MBD2: variants seen among roughly 807,000 people sequenced by gnomAD.
MBD2 encodes the protein methyl-CpG-binding domain protein 2.
MBD2 carries 9 observed loss-of-function variants against 39.3 expected under a neutral mutation model. The observed-to-expected ratio is 0.23, with a 90% confidence interval of 0.14 to 0.40. The LOEUF is 0.40. Ranked by LOEUF, MBD2 falls within the 10% of genes least tolerant of loss-of-function variation. The probability of loss-of-function intolerance (pLI) is 1.00; values close to 1 mark genes in which losing one functional copy is unlikely to be tolerated. For missense variants in MBD2, 458 were observed against 532.6 expected, an observed-to-expected ratio of 0.86 and a Z score of 1.38; for synonymous variants, 233 against 211.1, an observed-to-expected ratio of 1.10 and a Z score of -0.90.
chr18:54,187,923 C>T, intron 3 of MBD2: 1 of 925,178 alleles, frequency 1.1e-6, no homozygotes, highest in Non-Finnish European at 1.3e-6. Context: ...AAAGTTTTGG[C>T]CCAATCCTTT....
intron 2 of MBD2, among the ~76,000 whole-genome samples, chr18:54,204,229 C>G (rs750028256): frequency 3.3e-5 from 5 of 152,308 alleles, no homozygotes; most frequent in Non-Finnish European, 5.9e-5. Flanking sequence ...CCCATACACA[C>G]AGATCCTTGA....
intron 2 of MBD2, among the ~76,000 whole-genome samples, chr18:54,199,626 CCCT>C (rs2144323676): frequency 6.6e-6 from 1 of 152,212 alleles, no homozygotes; most frequent in African/African-American, 2.4e-5. Context: ...GCCCTTATTC[CCCT>C]ATTCCCTGAC....
intron 1 of MBD2, among the ~76,000 whole-genome samples, chr18:54,219,953 A>T (rs961208477): frequency 1.3e-5 from 2 of 152,208 alleles, no homozygotes; most frequent in African/African-American, 2.4e-5. Context: ...GGCATCTGCC[A>T]CCATGCCTGG....
chr18:54,204,014 A>G (rs1288038203), intron 2 of MBD2, among the ~76,000 whole-genome samples: 2 of 152,222 alleles, frequency 1.3e-5, no homozygotes, highest in East Asian at 1.9e-4. Flanking sequence ...GCATCAGCTA[A>G]TAAGTAGCAG....
chr18:54,165,694 G>C (rs2086126097), intron 4 of MBD2, among the ~76,000 whole-genome samples: 1 of 152,180 alleles, frequency 6.6e-6, no homozygotes, highest in African/African-American at 2.4e-5. Flanking sequence ...TTTGGGAAGA[G>C]GATGAGAGAA....
chr18:54,159,846 T>G lies in MBD2; in HGVS notation c.1167A>C (p.Ala389=). The change falls in exon 6 of 7, where the codon GCA becomes GCC. Residue 389 remains alanine (A), a synonymous_variant. Transcript: ENST00000256429. ...VRKKLEEALM[A]DILSRAADTE... ...TATCAGCAGCTCGCGACAAGATGTC[T>G]GCCATCAGTGCTTCTTCCAATTTCT... 6.2e-7 allele frequency: 1 copy of G among 1,612,976 alleles called. No individual in the cohort carries two copies. The highest frequency in any genetic ancestry group is 8.5e-7 in the Non-Finnish European group (1 of 1,179,998).
chr18:54,157,423 G>A (rs1013227827), intron 6 of MBD2, among the ~76,000 whole-genome samples: 14 of 152,032 alleles, frequency 9.2e-5, no homozygotes, highest in African/African-American at 2.7e-4. Flanking sequence ...ACCATGCCCA[G>A]CTAATTTTTG....
At chr18:54,162,745 G>T (rs1162101683) in intron 5 of MBD2, among the ~76,000 whole-genome samples, 2 of 152,190 alleles carry the variant, frequency 1.3e-5, no homozygotes, top group Non-Finnish European at 2.9e-5. Flanking sequence ...TGAGCAAGTT[G>T]ATTCCTTTCA....
intron 3 of MBD2, among the ~76,000 whole-genome samples, chr18:54,183,029 G>A (rs662336): frequency 0.41 from 61,605 of 152,046 alleles, 12,856 homozygotes; most frequent in East Asian, 0.57. Flanking sequence ...AGGTAGGATC[G>A]ATAGGACTTG....
chr18:54,207,653 T>G (rs2086461051), intron 1 of MBD2, among the ~76,000 whole-genome samples: 1 of 152,254 alleles, frequency 6.6e-6, no homozygotes, highest in African/African-American at 2.4e-5. Context: ...TCATGATTAA[T>G]GTGTTTTACC....
At chr18:54,169,960 A>G (rs2086168303) in intron 3 of MBD2, among the ~76,000 whole-genome samples, 1 of 152,220 alleles carries the variant, frequency 6.6e-6, no homozygotes, top group South Asian at 2.1e-4. Context: ...CCACATGCCT[A>G]TCACCTTATA....
At chr18:54,176,855 T>C (rs2086215520) in intron 3 of MBD2, among the ~76,000 whole-genome samples, 1 of 152,228 alleles carries the variant, frequency 6.6e-6, no homozygotes, top group Non-Finnish European at 1.5e-5. Context: ...CTGTGCAAAC[T>C]ACAATGTGAT....
At chr18:54,168,572 C>CATATATATATATATAT (rs56174434) in intron 3 of MBD2, among the ~76,000 whole-genome samples, 39 of 114,886 alleles carry the variant, frequency 3.4e-4, no homozygotes, top group African/African-American at 1.2e-3. Flanking sequence ...AATGGAGATA[C>CATATATATATATATAT]ATATATATAT....
intron 3 of MBD2, among the ~76,000 whole-genome samples, chr18:54,172,296 G>A (rs1360689416): frequency 5.3e-5 from 8 of 152,008 alleles, no homozygotes; most frequent in African/African-American, 7.2e-5. Flanking sequence ...GCAAATTAGC[G>A]TTCTTAGACC....
intron 2 of MBD2, among the ~76,000 whole-genome samples, chr18:54,194,894 CTG>C: frequency 6.6e-6 from 1 of 152,108 alleles, no homozygotes; most frequent in South Asian, 2.1e-4. Context: ...AAAGAACTGA[CTG>C]TGCCTGAGTC....
intron 2 of MBD2, among the ~76,000 whole-genome samples, chr18:54,190,622 AT>A (rs1179124605): frequency 6.6e-6 from 1 of 152,192 alleles, no homozygotes; most frequent in African/African-American, 2.4e-5. Flanking sequence ...TTTGGTCTTT[AT>A]TTAGAAGTTT....
At chr18:54,171,270 G>T (rs143137762) in intron 3 of MBD2, among the ~76,000 whole-genome samples, 12 of 151,842 alleles carry the variant, frequency 7.9e-5, no homozygotes, top group East Asian at 7.8e-4. Context: ...GCGTGGTGGC[G>T]CATGCCTGTA....
rs754266517 is a variant in MBD2, at chr18:54,205,123, A to G, written c.577T>C (p.Leu193=). The G allele has an allele frequency of 6.2e-7, 1 of 1,613,972 alleles. No homozygotes were observed. Residue 193 remains leucine (L), a synonymous_variant, in exon 2 of 7, where the codon TTG becomes CTG. Transcript: ENST00000256429. ...ACAGTATTTCCCAGGTACCTTGCCA[A>G]CTGAGGCTTGCTTCTGAACTTCTTA... is the stretch of plus-strand genomic sequence containing the variant. ...SGKKFRSKPQ[L]ARYLGNTVDL...
chr18:54,204,785 A>G (rs1211749389), intron 2 of MBD2, among the ~76,000 whole-genome samples: 1 of 152,192 alleles, frequency 6.6e-6, no homozygotes, highest in East Asian at 1.9e-4. Flanking sequence ...GTCAGAAAGT[A>G]TGATGTTCAC....
Sources: allele counts gnomAD v4.1 joint callset (sites outside exome capture counted in the v4.1 genomes callset), GRCh38; gene constraint gnomAD v4.1.1; transcripts MANE v1.5; gene names NCBI Gene and HGNC (gene_info 2026-07-23, HGNC 2026-07-21).